TAF1B: variants seen among roughly 807,000 people sequenced by gnomAD.
The protein encoded by TAF1B is TATA-box binding protein associated factor, RNA polymerase I subunit B, also known as TATA box-binding protein-associated factor RNA polymerase I subunit B.
Under a neutral mutation model 83.9 loss-of-function variants are expected in TAF1B, and 61 were observed. The observed-to-expected ratio is 0.73, with a 90% CI of 0.59 to 0.90. The LOEUF is 0.90. TAF1B is among the 40% of genes least tolerant of loss of function. The pLI is 0.00. For missense variants in TAF1B, 625 were observed against 677.0 expected, an observed-to-expected ratio of 0.92 and a Z score of 0.85; for synonymous variants, 221 against 224.6, an observed-to-expected ratio of 0.98 and a Z score of 0.14.
At chr2:9,928,204 T>C (rs1235266995) in intron 14 of TAF1B, among the ~76,000 whole-genome samples, 1 of 152,212 alleles carries the variant, frequency 6.6e-6, no homozygotes, top group Non-Finnish European at 1.5e-5. Context: ...GAGGCCTCTG[T>C]TCTGTTCCAT....
chr2:9,900,359 C>A (rs569368306), intron 8 of TAF1B, among the ~76,000 whole-genome samples: 2 of 152,268 alleles, frequency 1.3e-5, no homozygotes, highest in South Asian at 4.1e-4. Flanking sequence ...TATGACAAAA[C>A]TCCATCTCTA....
rs762333472 is a variant in TAF1B at position 9,919,147 on chromosome 2, A to G, written c.1342+36A>G. 2.0e-6 allele frequency: 3 copies of G among 1,535,456 alleles called. No homozygotes were observed. The Middle Eastern group carries it at 5.1e-4, about 262-fold the overall frequency. On this transcript the variant is annotated intron_variant, in intron 13 of 14. Coordinates refer to ENST00000263663, the MANE Select transcript of TAF1B (RefSeq NM_005680.3). ...TTTTGTCTTTTTAATACCAAGTAGC[A>G]ACACAGTTGTAGAAAAATTAAATAT... is the stretch of plus-strand genomic sequence containing the variant.
chr2:9,915,070 C>T (rs1665642084), intron 12 of TAF1B, among the ~76,000 whole-genome samples: 1 of 152,194 alleles, frequency 6.6e-6, no homozygotes, highest in South Asian at 2.1e-4. Context: ...AAACCTAAAA[C>T]AGCGTAAGAG....
chr2:9,859,388 T>C (rs1286252329), intron 5 of TAF1B, among the ~76,000 whole-genome samples: 2 of 107,198 alleles, frequency 1.9e-5, no homozygotes, highest in African/African-American at 3.4e-5. Context: ...CTATCAGCAT[T>C]TTTTTTTTTT....
At chr2:9,877,582 T>C (rs1664358694) in intron 7 of TAF1B, among the ~76,000 whole-genome samples, 1 of 152,140 alleles carries the variant, frequency 6.6e-6, no homozygotes, top group Non-Finnish European at 1.5e-5. Context: ...GTCTGTAATC[T>C]TGTGTCATTT....
chr2:9,856,740 G>A (rs1403811804), intron 5 of TAF1B, among the ~76,000 whole-genome samples: 7 of 152,018 alleles, frequency 4.6e-5, no homozygotes, highest in Admixed American at 1.3e-4. Context: ...GTAAATTCTC[G>A]TGTAAAGCAA....
At chr2:9,872,404 TG>T (rs1440170308) in intron 6 of TAF1B, among the ~76,000 whole-genome samples, 1 of 152,110 alleles carries the variant, frequency 6.6e-6, no homozygotes, top group East Asian at 1.9e-4. Context: ...GTGTTAGGCC[TG>T]CCTTCATCCA....
intron 8 of TAF1B, among the ~76,000 whole-genome samples, chr2:9,901,051 ATG>A (rs1478509752): frequency 7.9e-5 from 12 of 152,156 alleles, no homozygotes; most frequent in Admixed American, 7.8e-4. Flanking sequence ...TATAATGTTG[ATG>A]TGTTATTTTT....
At chr2:9,850,187 T>A (rs1663341732) in intron 3 of TAF1B, among the ~76,000 whole-genome samples, 1 of 152,172 alleles carries the variant, frequency 6.6e-6, no homozygotes, top group African/African-American at 2.4e-5. Context: ...TTTTAAATTT[T>A]ATTGGAGTAA....
At chr2:9,867,550 T>C (rs1332649249) in intron 5 of TAF1B, among the ~76,000 whole-genome samples, 1 of 152,238 alleles carries the variant, frequency 6.6e-6, no homozygotes, top group African/African-American at 2.4e-5. Flanking sequence ...GGAGTCTTAG[T>C]CTTATCTTCC....
In TAF1B at chr2:9,879,968, A is replaced by G. The variant is rs192713131; in HGVS notation, c.708-2738A>G. On this transcript the variant is annotated intron_variant, in intron 7 of 14. Coordinates refer to ENST00000263663, the MANE Select transcript of TAF1B (RefSeq NM_005680.3). ...CCCCTGGAAGATTGCAGCAGGAGAG[A>G]TACGATCTGATTGATGTTTTTAAAA... Among the ~76,000 whole-genome samples the G allele has an allele frequency of 1.3e-3, 196 of 152,182 alleles. 1 individual carries two copies. The highest frequency in any genetic ancestry group is 2.1e-3 in the Non-Finnish European group (141 of 68,026).
chr2:9,884,199 G>A (rs1054988842), intron 8 of TAF1B, among the ~76,000 whole-genome samples: 3 of 152,204 alleles, frequency 2.0e-5, no homozygotes, highest in Admixed American at 6.5e-5. Context: ...AGCAGTTTCC[G>A]CAGCTGGCAT....
chr2:9,847,894 C>T (rs1663258595), intron 2 of TAF1B, among the ~76,000 whole-genome samples: 1 of 152,188 alleles, frequency 6.6e-6, no homozygotes, highest in Admixed American at 6.5e-5. Flanking sequence ...TGTGTGAGTG[C>T]TGTTCAATCT....
In TAF1B at chr2:9,919,620, A is replaced by G. The variant is rs1187256611; in HGVS notation, c.1365A>G (p.Lys455=). Residue 455 remains lysine, a synonymous_variant, in exon 14 of 15, where the codon AAA becomes AAG. Coordinates refer to ENST00000263663, the MANE Select transcript of TAF1B (RefSeq NM_005680.3). ...KKREMVVNLQ[K]QFSTLVESTA... The stretch of plus-strand genomic sequence containing the variant: ...CAGAAATGGTGGTGAATCTACAGAA[A>G]CAATTTAGCACACTGGTCGAGTCAA... 4 of 1,614,124 alleles carry G rather than the reference A, an allele frequency of 2.5e-6. No individual in the cohort carries two copies. Among genetic ancestry groups the G allele is most frequent in the Non-Finnish European group, 3.4e-6 (4 of 1,180,018 alleles).
chr2:9,925,588 TG>T (rs1242280465), intron 14 of TAF1B, among the ~76,000 whole-genome samples: 3 of 102,892 alleles, frequency 2.9e-5, no homozygotes, highest in Non-Finnish European at 8.3e-5. Flanking sequence ...TTGGGGTGTT[TG>T]TTTTTTTTTT....
intron 6 of TAF1B, chr2:9,868,878 A>G (rs568225220): frequency 7.8e-5 from 27 of 344,536 alleles, no homozygotes; most frequent in South Asian, 6.3e-4. Context: ...ACTTTCTGAT[A>G]TAATTCCATA....
intron 6 of TAF1B, among the ~76,000 whole-genome samples, chr2:9,872,904 T>C (rs1664212706): frequency 6.6e-6 from 1 of 152,232 alleles, no homozygotes; most frequent in Non-Finnish European, 1.5e-5. Context: ...ATACTAATAC[T>C]GCTGGTCCAG....
intron 7 of TAF1B, among the ~76,000 whole-genome samples, chr2:9,877,206 C>T (rs1402579464): frequency 1.3e-5 from 2 of 152,150 alleles, no homozygotes; most frequent in Non-Finnish European, 2.9e-5. Context: ...ATATCTCTAG[C>T]CCAGACTTGT....
chr2:9,849,853 A>G (rs4143791), intron 3 of TAF1B, among the ~76,000 whole-genome samples: 36,764 of 152,138 alleles, frequency 0.24, 5,008 homozygotes, highest in East Asian at 0.31. Context: ...GTGAGTACAT[A>G]TAATTAACCA....
Sources: gnomAD v4.1 joint callset for allele counts (sites outside exome capture counted in the v4.1 genomes callset) on GRCh38, gnomAD v4.1.1 for gene constraint, MANE v1.5 for transcripts, NCBI Gene and HGNC (gene_info 2026-07-23, HGNC 2026-07-21) for gene names.